TAF4B: variants seen among roughly 807,000 people sequenced by gnomAD.
TAF4B encodes transcription initiation factor TFIID subunit 4B.
TAF4B carries 38 observed loss-of-function variants against 86.4 expected under a neutral mutation model. The ratio of observed to expected loss-of-function variants is 0.44; its 90% CI spans 0.34 to 0.58. TAF4B has a LOEUF of 0.58. Among genes scored for constraint, TAF4B ranks in the 20% least tolerant of loss-of-function variants. TAF4B has a pLI of 0.02. For missense variants in TAF4B, 988 were observed against 1,027.6 expected (o/e 0.96, Z 0.53); for synonymous variants, 388 against 391.2 (o/e 0.99, Z 0.10).
At chr18:26,353,655 T>G (rs1444953809) in intron 13 of TAF4B, among the ~76,000 whole-genome samples, 5 of 152,220 alleles carry the variant, frequency 3.3e-5, no homozygotes, top group African/African-American at 1.2e-4. Context: ...TTTTTAATGG[T>G]GACTGAATGC....
rs1334078473 is a variant in TAF4B, at chr18:26,286,463, A to G, written c.1554A>G (p.Pro518=). Residue 518 remains proline (P), a synonymous_variant, in exon 7 of 15, where the codon CCA becomes CCG. Transcript: ENST00000269142. ...LAQPGPVLSQ[P]AGIPQAVQVK... is the part of the protein sequence containing the mutation. ...AGCCGGGCCCTGTCCTTTCACAACCAGCTGGGATTCCACAGGCAGTTCAAG... is the reference window on the plus strand; with the variant it reads ...AGCCGGGCCCTGTCCTTTCACAACCGGCTGGGATTCCACAGGCAGTTCAAG... 3 of 1,613,444 alleles carry G rather than the reference A, an allele frequency of 1.9e-6. No individual in the cohort carries two copies. The highest frequency in any genetic ancestry group is 1.7e-4 in the Middle Eastern group (1 of 5,988).
intron 5 of TAF4B, among the ~76,000 whole-genome samples, chr18:26,276,403 A>G (rs1437230336): frequency 1.3e-5 from 2 of 152,176 alleles, no homozygotes; most frequent in African/African-American, 4.8e-5. Flanking sequence ...AAACAAATGG[A>G]TTTGGATTTT....
chr18:26,282,140 G>A (rs923555536), intron 6 of TAF4B, 80 bp downstream of exon 6: 180 of 1,167,624 alleles, frequency 1.5e-4, no homozygotes, highest in Middle Eastern at 1.9e-4. Context: ...ATTTCAATAT[G>A]ACAGCAATTG....
At chr18:26,267,427 C>T in intron 2 of TAF4B, 89 bp from the exon 3 acceptor site, 1 of 843,268 alleles carries the variant, frequency 1.2e-6, no homozygotes, top group South Asian at 1.5e-5. Flanking sequence ...CATTTGCTGT[C>T]ATAAAGTGTT....
intron 14 of TAF4B, among the ~76,000 whole-genome samples, chr18:26,370,781 A>G (rs1030622233): frequency 6.6e-6 from 1 of 152,204 alleles, no homozygotes; most frequent in African/African-American, 2.4e-5. Context: ...GAGATACTAG[A>G]CAGAAGACAT....
chr18:26,245,565 A>T (rs1388817033), intron 1 of TAF4B, among the ~76,000 whole-genome samples: 1 of 152,028 alleles, frequency 6.6e-6, no homozygotes, highest in Non-Finnish European at 1.5e-5. Context: ...CACTTTTAGG[A>T]TCCTGCTGAT....
chr18:26,263,176 A>T (rs1420899569), intron 1 of TAF4B, among the ~76,000 whole-genome samples: 1 of 152,096 alleles, frequency 6.6e-6, no homozygotes, highest in East Asian at 1.9e-4. Flanking sequence ...GTAGTCTCAA[A>T]CCCCAGGTCT....
chr18:26,389,451 G>A (rs954668675), intron 14 of TAF4B, among the ~76,000 whole-genome samples: 1 of 152,094 alleles, frequency 6.6e-6, no homozygotes, highest in African/African-American at 2.4e-5. Flanking sequence ...AGATTTTTAT[G>A]TATGCATACA....
intron 1 of TAF4B, among the ~76,000 whole-genome samples, chr18:26,241,096 C>T (rs1015126212): frequency 6.6e-6 from 1 of 152,156 alleles, no homozygotes; most frequent in Non-Finnish European, 1.5e-5. Context: ...GTATTGGCCT[C>T]ATAAAATGAG....
chr18:26,259,990 A>G (rs1373439158), intron 1 of TAF4B, among the ~76,000 whole-genome samples: 1 of 152,108 alleles, frequency 6.6e-6, no homozygotes, highest in South Asian at 2.1e-4. Context: ...CTGGTGTGAG[A>G]TGGTATCTCA....
intron 9 of TAF4B, among the ~76,000 whole-genome samples, chr18:26,302,554 G>A (rs888694183): frequency 2.0e-5 from 3 of 151,564 alleles, no homozygotes; most frequent in African/African-American, 7.3e-5. Flanking sequence ...TAGAGATGAG[G>A]ATCTCGCTTT....
At chr18:26,281,365 A>C (rs1426192782) in intron 5 of TAF4B, among the ~76,000 whole-genome samples, 29 of 152,220 alleles carry the variant, frequency 1.9e-4, no homozygotes, top group Admixed American at 1.9e-3. Context: ...TCACCGCACA[A>C]TTATAATCTT....
intron 3 of TAF4B, among the ~76,000 whole-genome samples, chr18:26,267,994 A>G (rs2056263739): frequency 6.6e-6 from 1 of 152,244 alleles, no homozygotes; most frequent in Non-Finnish European, 1.5e-5. Flanking sequence ...AGCCTTAGCC[A>G]TCTTAGTGGA....
At chr18:26,333,201 A>T (rs1227803298) in intron 12 of TAF4B, among the ~76,000 whole-genome samples, 1 of 150,486 alleles carries the variant, frequency 6.6e-6, no homozygotes, top group Non-Finnish European at 1.5e-5. Context: ...AATTATATAT[A>T]TTTTATTTTT....
At chr18:26,240,019 C>T (rs1246735075) in intron 1 of TAF4B, among the ~76,000 whole-genome samples, 11 of 152,116 alleles carry the variant, frequency 7.2e-5, no homozygotes, top group South Asian at 2.1e-4. Flanking sequence ...AGTCAGGTAG[C>T]GTGATGCCTC....
At chr18:26,357,501 T>A (rs2057296641) in intron 13 of TAF4B, among the ~76,000 whole-genome samples, 189 bp from the exon 14 acceptor site, 1 of 152,194 alleles carries the variant, frequency 6.6e-6, no homozygotes, top group Admixed American at 6.5e-5. Context: ...CATATAGAGA[T>A]TAAGAACTAA....
chr18:26,307,421 A>G (rs548233255), intron 9 of TAF4B, among the ~76,000 whole-genome samples: 23 of 152,288 alleles, frequency 1.5e-4, no homozygotes, highest in African/African-American at 5.5e-4. Context: ...CTTCAGAATC[A>G]GAAGTGGCAA....
intron 1 of TAF4B, among the ~76,000 whole-genome samples, chr18:26,263,739 A>G (rs986059404): frequency 6.6e-6 from 1 of 151,802 alleles, no homozygotes; most frequent in Admixed American, 6.6e-5. Context: ...TTTTTGAGAC[A>G]GGGTCTTGCT....
chr18:26,384,114 C>A (rs1490573298), intron 14 of TAF4B, among the ~76,000 whole-genome samples: 1 of 152,128 alleles, frequency 6.6e-6, no homozygotes. Flanking sequence ...GACCTTGTTT[C>A]CTCCTTAAAG....
Sources: allele counts gnomAD v4.1 joint callset (sites outside exome capture counted in the v4.1 genomes callset), GRCh38; gene constraint gnomAD v4.1.1; transcripts MANE v1.5; gene names NCBI Gene and HGNC (gene_info 2026-07-23, HGNC 2026-07-21).